The following NRP1 variants were observed in gnomAD, a reference collection of about 807,000 sequenced individuals.
NRP1 encodes the protein neuropilin 1.
Under a neutral mutation model 106.7 loss-of-function variants are expected in NRP1, and 35 were observed. The observed-to-expected ratio is 0.33, with a 90% CI of 0.25 to 0.43. NRP1 has a LOEUF of 0.43. Ranked by LOEUF, NRP1 falls within the 20% of genes least tolerant of loss-of-function variation. The pLI is 1.00. For synonymous variants in NRP1, 437 were observed against 417.9 expected (o/e 1.05, Z -0.56); for missense variants, 1,024 against 1,170.4 (o/e 0.87, Z 1.83).
At chr10:33,299,890 G>A (rs564469817) in intron 2 of NRP1, among the ~76,000 whole-genome samples, 5 of 152,282 alleles carry the variant, frequency 3.3e-5, no homozygotes, top group African/African-American at 9.6e-5. Flanking sequence ...GGGGACTTTA[G>A]GGGGACCCTG....
chr10:33,248,118 C>T (rs1841559889), intron 6 of NRP1, among the ~76,000 whole-genome samples: 1 of 152,100 alleles, frequency 6.6e-6, no homozygotes, highest in East Asian at 1.9e-4. Flanking sequence ...GATGACACGC[C>T]ATCTCTACTA....
chr10:33,253,274 G>A (rs143268815), intron 6 of NRP1, among the ~76,000 whole-genome samples: 159 of 152,238 alleles, frequency 1.0e-3, no homozygotes, highest in Middle Eastern at 0.01. Flanking sequence ...GAGTGGTGCC[G>A]GCGATGAGAG....
chr10:33,202,548 G>A (rs1205819973), intron 11 of NRP1: 1 of 1,396,176 alleles, frequency 7.2e-7, no homozygotes, highest in Non-Finnish European at 9.4e-7. Flanking sequence ...TGGTTACGTA[G>A]GGGTGGTGCA....
chr10:33,294,732 G>C (rs1845260023), intron 2 of NRP1, among the ~76,000 whole-genome samples: 1 of 151,816 alleles, frequency 6.6e-6, no homozygotes, highest in Non-Finnish European at 1.5e-5. Flanking sequence ...TGCCATTTTT[G>C]TGAAACCCTG....
chr10:33,327,974 C>T (rs189112876), intron 2 of NRP1, among the ~76,000 whole-genome samples: 24 of 152,244 alleles, frequency 1.6e-4, no homozygotes, highest in African/African-American at 5.8e-4. Flanking sequence ...CTAAATATAA[C>T]AGCCTTTCAG....
chr10:33,234,639 C>T (rs1368527312), intron 6 of NRP1, among the ~76,000 whole-genome samples: 1 of 152,098 alleles, frequency 6.6e-6, no homozygotes, highest in Non-Finnish European at 1.5e-5. Context: ...CAATTGAACA[C>T]TTTAAAATTA....
At chr10:33,333,156 T>C (rs1848405328) in intron 1 of NRP1, among the ~76,000 whole-genome samples, 1 of 152,204 alleles carries the variant, frequency 6.6e-6, no homozygotes, top group African/African-American at 2.4e-5. Context: ...TAATTTTTTG[T>C]GTCTTGCTTT....
Position 33,192,435 on chromosome 10 carries a change from G to A in NRP1, c.1925-17C>T, listed in dbSNP as rs1293889446. 1.2e-6 allele frequency: 2 copies of A among 1,611,772 alleles called. No homozygotes were observed. Among genetic ancestry groups the A allele is most frequent in the Admixed American group, 1.7e-5 (1 of 59,692 alleles). ...TTGGAAACTCTTCAGTGGGTGGGAA[G>A]TAAAAATAAGAGACAAGCAAAGAAA... On this transcript the variant is annotated splice_polypyrimidine_tract_variant and intron_variant, in intron 12 of 16. Coordinates refer to ENST00000374867, the MANE Select transcript of NRP1 (RefSeq NM_003873.7).
chr10:33,197,342 C>T (rs1836858907), intron 12 of NRP1, among the ~76,000 whole-genome samples: 1 of 152,160 alleles, frequency 6.6e-6, no homozygotes, highest in Non-Finnish European at 1.5e-5. Context: ...ATTTCCTTCT[C>T]CTGTAGTTTG....
chr10:33,219,560 G>C (rs998531934), intron 8 of NRP1, among the ~76,000 whole-genome samples: 1 of 152,140 alleles, frequency 6.6e-6, no homozygotes, highest in East Asian at 1.9e-4. Flanking sequence ...GAAAATATTA[G>C]GATATGCTAT....
At chr10:33,272,545 G>A (rs2133309940) in intron 2 of NRP1, among the ~76,000 whole-genome samples, 1 of 152,206 alleles carries the variant, frequency 6.6e-6, no homozygotes. Context: ...AGGAGGAGGA[G>A]GAGGAGGAAG....
intron 9 of NRP1, 24 bp from the exon 10 acceptor site, chr10:33,207,740 G>T: frequency 6.3e-7 from 1 of 1,597,246 alleles, no homozygotes; most frequent in Non-Finnish European, 8.5e-7. Flanking sequence ...AAAACACAGG[G>T]CATTAAGGAA....
At chr10:33,199,780 G>A (rs2132680337) in intron 11 of NRP1, among the ~76,000 whole-genome samples, 1 of 152,220 alleles carries the variant, frequency 6.6e-6, no homozygotes, top group East Asian at 1.9e-4. Flanking sequence ...GTGGTTACAG[G>A]GTGCCATAAT....
At chr10:33,234,509 T>C (rs1840408738) in intron 6 of NRP1, among the ~76,000 whole-genome samples, 2 of 152,224 alleles carry the variant, frequency 1.3e-5, no homozygotes, top group African/African-American at 4.8e-5. Flanking sequence ...TGATTTCTGA[T>C]TGTGTTGACT....
At position 33,256,412 on chromosome 10, in the gene NRP1, A is replaced by T; in HGVS notation, c.718T>A (p.Ser240Thr). The change falls in exon 5 of 17, where the codon TCG becomes ACG. Residue 240 changes from serine (S) to threonine (T), a missense_variant. Coordinates refer to ENST00000374867, the MANE Select transcript of NRP1 (RefSeq NM_003873.7). ...TAAAAAACCATGGAGAGAATGCCCG[A>T]TGAGGATCGGATTCGACCTGGTGTT... is the stretch of plus-strand genomic sequence containing the variant. Reference protein sequence around the residue: ...QKTPGRIRSSSGILSMVFYTD... With the variant: ...QKTPGRIRSSTGILSMVFYTD... The T allele has an allele frequency of 6.2e-7, 1 of 1,614,236 alleles. No individual in the cohort carries two copies. The highest frequency in any genetic ancestry group is 8.5e-7 in the Non-Finnish European group (1 of 1,180,036).
intron 1 of NRP1, 109 bp from the exon 2 acceptor site, chr10:33,330,991 A>G (rs1264382016): frequency 3.2e-6 from 3 of 932,786 alleles, no homozygotes; most frequent in African/African-American, 1.7e-5. Context: ...TTTAAGGGGA[A>G]CTCTAAAAGG....
At chr10:33,247,987 G>A (rs530575066) in intron 6 of NRP1, among the ~76,000 whole-genome samples, 23 of 152,274 alleles carry the variant, frequency 1.5e-4, no homozygotes, top group South Asian at 1.2e-3. Flanking sequence ...AAAATAGGAC[G>A]TATATAAAAA....
chr10:33,261,216 G>A (rs1004254890), intron 4 of NRP1, among the ~76,000 whole-genome samples: 4 of 152,028 alleles, frequency 2.6e-5, no homozygotes, highest in African/African-American at 9.7e-5. Flanking sequence ...ATTGTTCCTC[G>A]ATTCAACTCA....
intron 6 of NRP1, among the ~76,000 whole-genome samples, chr10:33,239,850 T>C (rs1222157937): frequency 6.6e-6 from 1 of 152,214 alleles, no homozygotes; most frequent in Non-Finnish European, 1.5e-5. Context: ...CCACAGGATG[T>C]TTATGTATCA....
Sources: gnomAD v4.1 joint callset for allele counts (sites outside exome capture counted in the v4.1 genomes callset) on GRCh38, gnomAD v4.1.1 for gene constraint, MANE v1.5 for transcripts, NCBI Gene and HGNC (gene_info 2026-07-23, HGNC 2026-07-21) for gene names.